The following SPECC1 variants were observed in gnomAD, a reference collection of about 807,000 sequenced individuals.
The protein encoded by SPECC1 is cytospin-B.
In SPECC1, 62 loss-of-function variants were observed where a neutral mutation model predicts 104.1. The ratio of observed to expected loss-of-function variants is 0.60; its 90% CI spans 0.49 to 0.74. The LOEUF (loss-of-function observed/expected upper bound fraction) is 0.74. Ranked by LOEUF, SPECC1 falls within the 30% of genes least tolerant of loss-of-function variation. The pLI is 0.00. For synonymous variants in SPECC1, 513 were observed against 501.6 expected (o/e 1.02, Z -0.30); for missense variants, 1,306 against 1,310.5 (o/e 1.00, Z 0.05).
At chr17:20,036,318 C>T (rs772175065) in intron 1 of SPECC1, among the ~76,000 whole-genome samples, 11 of 151,800 alleles carry the variant, frequency 7.2e-5, no homozygotes, top group East Asian at 1.9e-4. Flanking sequence ...TTAGTGGAGA[C>T]GGGATTTCAC....
At chr17:20,101,977 C>T (rs941098352) in intron 2 of SPECC1, among the ~76,000 whole-genome samples, 1 of 152,154 alleles carries the variant, frequency 6.6e-6, no homozygotes, top group Non-Finnish European at 1.5e-5. Context: ...GAACTTTTTC[C>T]TTTTATATAC....
chr17:20,158,450 C>A (rs555589170), intron 3 of SPECC1, among the ~76,000 whole-genome samples: 44 of 152,320 alleles, frequency 2.9e-4, no homozygotes, highest in African/African-American at 1.1e-3. Flanking sequence ...GCAGACCCAA[C>A]ACCTATGAAA....
chr17:20,023,621 C>A (rs2044483530), intron 1 of SPECC1, among the ~76,000 whole-genome samples: 1 of 152,002 alleles, frequency 6.6e-6, no homozygotes, highest in Admixed American at 6.6e-5. Flanking sequence ...ATGCAAAGGT[C>A]CTTTTGAACT....
rs904001547 is a variant in SPECC1, at chr17:20,316,692, G to GT, written c.*2629dup. On this transcript the variant is annotated 3_prime_UTR_variant, in exon 15 of 15. Coordinates refer to ENST00000395527, the MANE Select transcript of SPECC1 (RefSeq NM_001243439.2). Reference sequence around the variant, plus strand: ...GCTGTTTTTTTGTGTTTTTTTTGTTGTTGTTTGTTTGTTTTTTTTTTTGAG... The same window carrying GT: ...GCTGTTTTTTTGTGTTTTTTTTGTTGTTTGTTTGTTTGTTTTTTTTTTTGAG... The GT allele has an allele frequency of 6.7e-5, 8 of 118,878 alleles. No individual in the cohort carries two copies. The highest frequency in any genetic ancestry group is 1.8e-4 in the African/African-American group (3 of 16,766). The allele number at this position is 118,878 out of a possible 1,614,324, so 7.4% of individuals were successfully genotyped here. A position where few individuals can be genotyped will look rare whatever the true frequency, so the allele number is the denominator to read the frequency against.
chr17:20,016,194 G>A (rs1259774056), intron 1 of SPECC1, among the ~76,000 whole-genome samples: 4 of 148,326 alleles, frequency 2.7e-5, no homozygotes, highest in East Asian at 4.0e-4. Context: ...CTCCAGTCTG[G>A]GCGACAGAGA....
chr17:20,114,358 A>C (rs1267582918), intron 3 of SPECC1, among the ~76,000 whole-genome samples: 1 of 151,900 alleles, frequency 6.6e-6, no homozygotes, highest in Non-Finnish European at 1.5e-5. Flanking sequence ...CGCCCAGCTA[A>C]TTTTTGTATT....
chr17:20,302,103 G>A (rs2041606453), intron 13 of SPECC1, among the ~76,000 whole-genome samples: 1 of 152,340 alleles, frequency 6.6e-6, no homozygotes, highest in South Asian at 2.1e-4. Context: ...GTAGTGGACT[G>A]GACCTTGCTT....
Position 20,318,435 on chromosome 17 carries a change from G to A in SPECC1, c.*4370G>A, listed in dbSNP as rs901573650. On this transcript the variant is annotated 3_prime_UTR_variant, in exon 15 of 15. Coordinates refer to ENST00000395527, the MANE Select transcript of SPECC1 (RefSeq NM_001243439.2). Reference sequence around the variant, plus strand: ...GAGACCAACCCAAGTAGATGCAGGTGGGTGTTAGATAAAAACACACATCCC... The same window carrying A: ...GAGACCAACCCAAGTAGATGCAGGTAGGTGTTAGATAAAAACACACATCCC... The A allele has an allele frequency of 8.6e-6, 2 of 231,434 alleles. No homozygotes were observed. Among genetic ancestry groups the A allele is most frequent in the South Asian group, 3.6e-4 (2 of 5,514 alleles). The allele number at this position is 231,434 out of a possible 1,614,324, so 14.3% of individuals were successfully genotyped here.
chr17:20,112,174 C>G, intron 3 of SPECC1: 1 of 763,530 alleles, frequency 1.3e-6, no homozygotes, highest in Non-Finnish European at 2.4e-6. Context: ...TATGCTGGCC[C>G]ACATGTTTAA....
intron 3 of SPECC1, chr17:20,126,250 T>G (rs1036499194): frequency 2.0e-5 from 3 of 152,256 alleles, no homozygotes; most frequent in Non-Finnish European, 4.4e-5. Flanking sequence ...ATACCTTTGT[T>G]TATGCCTTCC....
chr17:20,290,541 G>GT (rs1426893128), intron 12 of SPECC1, among the ~76,000 whole-genome samples: 2 of 151,758 alleles, frequency 1.3e-5, no homozygotes, highest in Non-Finnish European at 2.9e-5. Context: ...TTGAGACAGG[G>GT]TTTCACTCTG....
intron 3 of SPECC1, among the ~76,000 whole-genome samples, chr17:20,145,461 T>C (rs1461869755): frequency 1.3e-5 from 2 of 152,212 alleles, no homozygotes; most frequent in African/African-American, 4.8e-5. Flanking sequence ...CCACCCTGAT[T>C]GTGCTGGCTT....
At chr17:20,263,503 G>A (rs970027208) in intron 12 of SPECC1, among the ~76,000 whole-genome samples, 1 of 150,694 alleles carries the variant, frequency 6.6e-6, no homozygotes, top group Non-Finnish European at 1.5e-5. Flanking sequence ...ATGTACCATA[G>A]AACTTAAAGT....
rs961283134 is a variant in SPECC1 at position 20,238,985 on chromosome 17, T to C, written c.2351+6580T>C. 1.5e-5 allele frequency: 16 copies of C among 1,037,428 alleles called. No individual in the cohort carries two copies. The African/African-American group carries it at 2.7e-4, about 17-fold the overall frequency. The allele number at this position is 1,037,428 out of a possible 1,614,324, so 64.3% of individuals were successfully genotyped here. ...TTTTTTCTGAATACAGTTTCAGAAC[T>C]TCAAAGTCACATCAAGTAACTAGAA... On this transcript the variant is annotated intron_variant, in intron 7 of 14. Coordinates refer to ENST00000395527, the MANE Select transcript of SPECC1 (RefSeq NM_001243439.2).
chr17:20,269,611 T>C (rs1039761458), intron 12 of SPECC1, among the ~76,000 whole-genome samples: 2 of 152,146 alleles, frequency 1.3e-5, no homozygotes, highest in African/African-American at 4.8e-5. Context: ...CGACCTCAGG[T>C]GATCTGCCTG....
rs1447047087 is a variant in SPECC1, at chr17:20,009,823, G to GCCCGGC, written c.-22+406_-22+411dup. On this transcript the variant is annotated intron_variant, in intron 1 of 14. Coordinates refer to ENST00000395527, the MANE Select transcript of SPECC1 (RefSeq NM_001243439.2). The surrounding 1 kb of genome is among the most constrained non-coding windows in gnomAD (Gnocchi z 5.2). Reference sequence around the variant, plus strand: ...CGCAGTGGGACAGGTGCGCGGGCACGCCCGGCCCCGGCTCCTGGGTCTCGG... The same window carrying GCCCGGC: ...CGCAGTGGGACAGGTGCGCGGGCACGCCCGGCCCCGGCCCCGGCTCCTGGGTCTCGG... The GCCCGGC allele has an allele frequency of 6.6e-6, 1 of 152,352 alleles. No homozygotes were observed. The allele number at this position is 152,352 out of a possible 1,614,324, so 9.4% of individuals were successfully genotyped here.
intron 4 of SPECC1, among the ~76,000 whole-genome samples, chr17:20,220,607 G>A (rs2037815618): frequency 7.4e-6 from 1 of 135,374 alleles, no homozygotes; most frequent in South Asian, 2.3e-4. Flanking sequence ...CAGATATCAA[G>A]TCATATCATC....
intron 3 of SPECC1, among the ~76,000 whole-genome samples, chr17:20,186,619 A>G (rs912211693): frequency 6.6e-6 from 1 of 152,224 alleles, no homozygotes; most frequent in Non-Finnish European, 1.5e-5. Flanking sequence ...GCTGAAGTGC[A>G]GTGGTACAAT....
intron 3 of SPECC1, among the ~76,000 whole-genome samples, chr17:20,137,044 AG>A (rs757465426): frequency 2.2e-4 from 34 of 152,218 alleles, no homozygotes; most frequent in Non-Finnish European, 4.4e-4. Flanking sequence ...GAGCATCCAG[AG>A]GGTTTGCCTT....
Sources: gnomAD v4.1 joint callset for allele counts (sites outside exome capture counted in the v4.1 genomes callset) on GRCh38, gnomAD v4.1.1 for gene constraint, Gnocchi (gnomAD v3.1) non-coding constraint, MANE v1.5 for transcripts, NCBI Gene and HGNC (gene_info 2026-07-23, HGNC 2026-07-21) for gene names.